The following NHS variants were observed in gnomAD, a reference collection of about 807,000 sequenced individuals.
NHS encodes the protein NHS actin remodeling regulator.
NHS carries 5 observed loss-of-function variants against 72.5 expected under a neutral mutation model. That is an observed-to-expected ratio of 0.07 (90% CI 0.04 to 0.14). The LOEUF is 0.14. Among genes scored for constraint, NHS ranks in the 10% least tolerant of loss-of-function variants. NHS has a pLI of 1.00. For missense variants in NHS, 1,072 were observed against 1,355.7 expected (o/e 0.79, Z 3.29); for synonymous variants, 464 against 547.7 (o/e 0.85, Z 2.13).
At chrX:17,679,479 C>T (rs968093108) in intron 1 of NHS, among the ~76,000 whole-genome samples, 5 of 111,445 alleles carry the variant, frequency 4.5e-5, no homozygotes, top group African/African-American at 1.6e-4. Context: ...TGTGGCTCCT[C>T]TTGTCAGAGG....
rs780101462 is a variant in NHS at position 17,505,221 on chromosome X, G to A, written c.565+128899G>A. Among the ~76,000 whole-genome samples, 7 of 111,655 alleles carry A rather than the reference G, an allele frequency of 6.3e-5. No homozygotes were observed. In the South Asian group the frequency reaches 1.9e-3, roughly 30 times the overall value. On this transcript the variant is annotated intron_variant, in intron 1 of 8. Coordinates refer to ENST00000676302, the MANE Select transcript of NHS (RefSeq NM_001291867.2). ...ATTGAACCAGTACCCAATGACAGAT[G>A]TAGGTTTTTCCATTTTCTGCTATCA... is the stretch of plus-strand genomic sequence containing the variant.
chrX:17,525,547 C>T (rs1447118089), intron 1 of NHS, among the ~76,000 whole-genome samples: 5 of 110,096 alleles, frequency 4.5e-5, no homozygotes, highest in Admixed American at 1.9e-4. Context: ...TGGTTCAAAA[C>T]GAATCCTTAA....
chrX:17,616,300 A>T, intron 1 of NHS, among the ~76,000 whole-genome samples: 1 of 112,439 alleles, frequency 8.9e-6, no homozygotes, highest in Non-Finnish European at 1.9e-5. Context: ...TTGTTATTTT[A>T]TACATTGGGT....
At chrX:17,490,929 C>T (rs1333652877) in intron 1 of NHS, among the ~76,000 whole-genome samples, 4 of 111,545 alleles carry the variant, frequency 3.6e-5, no homozygotes, top group African/African-American at 1.3e-4. Flanking sequence ...CTCAGTTTGT[C>T]TATGATTGGT....
chrX:17,638,297 G>A (rs568961198), intron 1 of NHS, among the ~76,000 whole-genome samples: 2 of 112,028 alleles, frequency 1.8e-5, no homozygotes, highest in African/African-American at 6.5e-5. Context: ...CTGTCTTATG[G>A]CAAAGACCAT....
chrX:17,607,427 C>T (rs1023270683), intron 1 of NHS, among the ~76,000 whole-genome samples: 6 of 111,519 alleles, frequency 5.4e-5, no homozygotes, highest in Non-Finnish European at 1.1e-4. Context: ...TGGTCAGATT[C>T]TCCCATCCAC....
chrX:17,646,892 G>A (rs1489563991), intron 1 of NHS, among the ~76,000 whole-genome samples: 2 of 111,646 alleles, frequency 1.8e-5, no homozygotes, highest in Non-Finnish European at 3.8e-5. Flanking sequence ...TACTCTTTAC[G>A]AAACCTTGCA....
chrX:17,514,079 C>G (rs1401191033), intron 1 of NHS, among the ~76,000 whole-genome samples: 1 of 111,645 alleles, frequency 9.0e-6, no homozygotes, highest in Non-Finnish European at 1.9e-5. Flanking sequence ...TCTCATGAGA[C>G]TTTTTCACTA....
intron 1 of NHS, among the ~76,000 whole-genome samples, chrX:17,436,343 G>A (rs1397256772): frequency 9.1e-6 from 1 of 110,289 alleles, no homozygotes; most frequent in Non-Finnish European, 1.9e-5. Flanking sequence ...ATCCCCAATC[G>A]TTATTGGGTT....
chrX:17,560,392 GAAAACA>G (rs749734699), intron 1 of NHS, among the ~76,000 whole-genome samples: 17 of 112,555 alleles, frequency 1.5e-4, no homozygotes, highest in South Asian at 3.6e-4. Context: ...TTCCAATGAG[GAAAACA>G]AAAACAAAAA....
At chrX:17,489,132 T>C (rs1312439899) in intron 1 of NHS, among the ~76,000 whole-genome samples, 1 of 112,252 alleles carries the variant, frequency 8.9e-6, no homozygotes, top group Non-Finnish European at 1.9e-5. Context: ...CATCCTTTTT[T>C]ATGGCTGCAT....
At chrX:17,404,803 G>GTCTCTCTCTC (rs368840034) in intron 1 of NHS, among the ~76,000 whole-genome samples, 13 of 96,572 alleles carry the variant, frequency 1.3e-4, no homozygotes, top group African/African-American at 4.7e-4. Flanking sequence ...GTAACACTCT[G>GTCTCTCTCTC]TCTCTCTCTC....
At chrX:17,604,228 TCACACACACACACACACA>T (rs59367930) in intron 1 of NHS, among the ~76,000 whole-genome samples, 1 of 92,270 alleles carries the variant, frequency 1.1e-5, no homozygotes, top group Admixed American at 1.2e-4. Flanking sequence ...TATTAATAGA[TCACACACACACACACACA>T]CACACACACA....
chrX:17,589,411 G>A (rs1045471291), intron 1 of NHS, among the ~76,000 whole-genome samples: 3 of 111,792 alleles, frequency 2.7e-5, no homozygotes, highest in African/African-American at 9.8e-5. Context: ...AAGAACATAC[G>A]ATGTTTGGTT....
chrX:17,649,521 C>T (rs2065921032), intron 1 of NHS, among the ~76,000 whole-genome samples: 1 of 111,069 alleles, frequency 9.0e-6, no homozygotes, highest in African/African-American at 3.3e-5. Context: ...CTATAGGGCT[C>T]CATTTTGGCT....
chrX:17,540,210 T>C (rs1178982274), intron 1 of NHS, among the ~76,000 whole-genome samples: 1 of 111,744 alleles, frequency 8.9e-6, no homozygotes, highest in Admixed American at 9.4e-5. Context: ...TACTTTAACT[T>C]ATGACTTCCA....
intron 1 of NHS, among the ~76,000 whole-genome samples, chrX:17,533,548 G>A (rs1287433507): frequency 3.6e-5 from 4 of 112,049 alleles, no homozygotes; most frequent in Non-Finnish European, 5.6e-5. Flanking sequence ...GCTTCTCAAA[G>A]TGCTGGGATT....
chrX:17,397,918 G>C (rs1040142444), intron 1 of NHS, among the ~76,000 whole-genome samples: 4 of 111,929 alleles, frequency 3.6e-5, no homozygotes, highest in African/African-American at 1.3e-4. Context: ...GGAAGAAGCT[G>C]TCTGTGTAGT....
chrX:17,568,191 A>G (rs2065455244), intron 1 of NHS, among the ~76,000 whole-genome samples: 1 of 112,241 alleles, frequency 8.9e-6, no homozygotes, highest in Non-Finnish European at 1.9e-5. Flanking sequence ...GTTGCTGGGC[A>G]CATCAGAAAC....
Sources: allele counts gnomAD v4.1 joint callset (sites outside exome capture counted in the v4.1 genomes callset), GRCh38; gene constraint gnomAD v4.1.1; transcripts MANE v1.5; gene names NCBI Gene and HGNC (gene_info 2026-07-23, HGNC 2026-07-21).